The following COL21A1 variants were observed in gnomAD, a reference collection of about 807,000 sequenced individuals.
The protein encoded by COL21A1 is collagen alpha-1(XXI) chain.
Under a neutral mutation model 137.9 loss-of-function variants are expected in COL21A1, and 149 were observed. That is an observed-to-expected ratio of 1.08 (90% CI 0.95 to 1.24). The LOEUF (loss-of-function observed/expected upper bound fraction) is 1.24, where lower values mean the gene tolerates loss of function less well. Among genes scored for constraint, COL21A1 ranks in the 50% most tolerant of loss-of-function variants. The pLI is 0.00. For missense variants in COL21A1, 1,167 were observed against 1,158.4 expected (o/e 1.01, Z -0.11); for synonymous variants, 456 against 391.5 (o/e 1.16, Z -1.95).
In COL21A1 at chr6:56,091,642, G is replaced by T. The variant is rs2114207659; in HGVS notation, c.1812+9830C>A. On this transcript the variant is annotated intron_variant, in intron 17 of 29. Coordinates refer to ENST00000244728, the MANE Select transcript of COL21A1 (RefSeq NM_030820.4). ...TGTACACAATGGGGCTAGCTGGTGA[G>T]CAGAGAACTAGAAAGCAAATGATTT... 3 of 152,684 alleles carry T rather than the reference G, an allele frequency of 2.0e-5. No individual in the cohort carries two copies. In the Middle Eastern group the frequency reaches 0.01, roughly 519 times the overall value. 9.5% of individuals were successfully genotyped at this position (152,684 alleles called of 1,614,324 possible). A position where few individuals can be genotyped will look rare whatever the true frequency, so the allele number is the denominator to read the frequency against.
intron 16 of COL21A1, among the ~76,000 whole-genome samples, chr6:56,107,220 G>T (rs1457799907): frequency 6.6e-6 from 1 of 152,044 alleles, no homozygotes; most frequent in African/African-American, 2.4e-5. Context: ...GAAACCAAGG[G>T]AGAATAGATT....
intron 21 of COL21A1, 88 bp from the exon 22 acceptor site, chr6:56,069,205 AAATG>A (rs1766523105): frequency 6.9e-6 from 5 of 725,758 alleles, no homozygotes; most frequent in Non-Finnish European, 1.1e-5. Flanking sequence ...CTCAATTTTA[AAATG>A]AATGGTTAAA....
chr6:56,293,016 G>C (rs1268562389), intron 1 of COL21A1, among the ~76,000 whole-genome samples: 1 of 152,052 alleles, frequency 6.6e-6, no homozygotes, highest in Non-Finnish European at 1.5e-5. Context: ...CATTAGACTA[G>C]CTCATATCAA....
At chr6:56,062,282 G>A (rs1403141936) in intron 24 of COL21A1, among the ~76,000 whole-genome samples, 1 of 152,004 alleles carries the variant, frequency 6.6e-6, no homozygotes, top group Non-Finnish European at 1.5e-5. Flanking sequence ...ATAAACACTG[G>A]GGAGCCCATG....
chr6:56,121,978 T>C (rs1772584226), intron 16 of COL21A1, among the ~76,000 whole-genome samples: 1 of 151,974 alleles, frequency 6.6e-6, no homozygotes, highest in African/African-American at 2.4e-5. Context: ...TGAAGGGTAG[T>C]ATGAACCTAT....
intron 17 of COL21A1, among the ~76,000 whole-genome samples, chr6:56,078,710 T>C (rs1369355288): frequency 1.3e-5 from 2 of 151,704 alleles, no homozygotes; most frequent in African/African-American, 4.8e-5. Context: ...TTTTAAAATC[T>C]GAACTCAAAT....
At chr6:56,230,877 A>G (rs1030670875) in intron 1 of COL21A1, among the ~76,000 whole-genome samples, 5 of 151,864 alleles carry the variant, frequency 3.3e-5, no homozygotes, top group Non-Finnish European at 1.5e-5. Context: ...AGTTTCTATC[A>G]CCCATGTGAA....
rs796971653 is a variant in COL21A1, at chr6:56,269,571, C to T, written c.-38-86915G>A. ...TTGGGAGGCTGAGGCAGGAGAATGGCGTGAACCTGGGAGGCAGAGCTTGCA... is the reference window on the plus strand; with the variant it reads ...TTGGGAGGCTGAGGCAGGAGAATGGTGTGAACCTGGGAGGCAGAGCTTGCA... On this transcript the variant is annotated intron_variant, in intron 1 of 28. Transcript: ENST00000370819. Among the ~76,000 whole-genome samples the T allele has an allele frequency of 3.1e-3, 450 of 142,876 alleles. 4 individuals are homozygous for T. The highest frequency in any genetic ancestry group is 0.011 in the African/African-American group (431 of 38,776). The allele number at this position is 142,876 out of a possible 152,430, so 93.7% of individuals were successfully genotyped here. A position where few individuals can be genotyped will look rare whatever the true frequency, so the allele number is the denominator to read the frequency against.
intron 16 of COL21A1, among the ~76,000 whole-genome samples, chr6:56,114,091 TA>T (rs1242907740): frequency 5.9e-5 from 9 of 152,346 alleles, no homozygotes; most frequent in Admixed American, 5.2e-4. Flanking sequence ...CTCTAGTCCC[TA>T]ACTCCAAGAT....
chr6:56,348,428 A>T (rs548852426), intron 1 of COL21A1, among the ~76,000 whole-genome samples: 1 of 152,280 alleles, frequency 6.6e-6, no homozygotes, highest in South Asian at 2.1e-4. Context: ...CACTTTCCAC[A>T]TAAGCTACTG....
chr6:56,227,797 C>T (rs1432918098), intron 1 of COL21A1, among the ~76,000 whole-genome samples: 2 of 151,878 alleles, frequency 1.3e-5, no homozygotes, highest in African/African-American at 4.8e-5. Context: ...AACTACAATA[C>T]AATAATAGAG....
At chr6:56,194,072 C>T (rs1283349828) in intron 1 of COL21A1, among the ~76,000 whole-genome samples, 2 of 152,162 alleles carry the variant, frequency 1.3e-5, no homozygotes, top group African/African-American at 2.4e-5. Context: ...CCAGGATGTG[C>T]TGTTTTATGG....
chr6:56,130,183 AT>A (rs1773424707), intron 12 of COL21A1, among the ~76,000 whole-genome samples: 1 of 23,842 alleles, frequency 4.2e-5, no homozygotes, highest in African/African-American at 1.3e-4. Flanking sequence ...ATATATATAT[AT>A]ATATATATAT....
intron 1 of COL21A1, among the ~76,000 whole-genome samples, chr6:56,305,381 G>A (rs1393958526): frequency 6.6e-6 from 1 of 152,208 alleles, no homozygotes; most frequent in Admixed American, 6.5e-5. Context: ...TCTCTTTCTA[G>A]GTCTCTAAGG....
intron 1 of COL21A1, among the ~76,000 whole-genome samples, chr6:56,313,996 T>C (rs1370981447): frequency 6.6e-6 from 1 of 152,168 alleles, no homozygotes; most frequent in Non-Finnish European, 1.5e-5. Context: ...AAGGTATATA[T>C]ATAGAGAGAG....
intron 1 of COL21A1, among the ~76,000 whole-genome samples, chr6:56,263,755 A>C (rs1386358723): frequency 6.6e-6 from 1 of 152,220 alleles, no homozygotes; most frequent in African/African-American, 2.4e-5. Flanking sequence ...CTTAATGTGA[A>C]GCTGTGTTCT....
chr6:56,176,704 C>G (rs1029458747), intron 3 of COL21A1, among the ~76,000 whole-genome samples: 5 of 149,660 alleles, frequency 3.3e-5, no homozygotes, highest in Admixed American at 2.0e-4. Flanking sequence ...AGGTTTCAGT[C>G]AAGCAAGATG....
At chr6:56,073,696 T>G (rs951431145) in intron 20 of COL21A1, among the ~76,000 whole-genome samples, 1 of 151,530 alleles carries the variant, frequency 6.6e-6, no homozygotes, top group Non-Finnish European at 1.5e-5. Flanking sequence ...TCAAAGAGTT[T>G]CAGTTCTACC....
At chr6:56,062,125 A>C (rs1765849563) in intron 24 of COL21A1, among the ~76,000 whole-genome samples, 1 of 152,162 alleles carries the variant, frequency 6.6e-6, no homozygotes, top group Non-Finnish European at 1.5e-5. Flanking sequence ...TGCTATTGAC[A>C]AAGGATGGGT....
Sources: allele counts gnomAD v4.1 joint callset (sites outside exome capture counted in the v4.1 genomes callset), GRCh38; gene constraint gnomAD v4.1.1; transcripts MANE v1.5; gene names NCBI Gene and HGNC (gene_info 2026-07-23, HGNC 2026-07-21).